The following ARFGEF3 variants were observed in gnomAD, a reference collection of about 807,000 sequenced individuals.
ARFGEF3 encodes the protein ARFGEF family member 3, also known as brefeldin A-inhibited guanine nucleotide-exchange protein 3.
ARFGEF3 carries 96 observed loss-of-function variants against 221.7 expected under a neutral mutation model. The observed-to-expected ratio is 0.43, with a 90% confidence interval of 0.37 to 0.51. The LOEUF (loss-of-function observed/expected upper bound fraction) is 0.51, where lower values mean the gene tolerates loss of function less well. ARFGEF3 is among the 20% of genes least tolerant of loss of function. The probability of loss-of-function intolerance (pLI) is 0.00; values close to 1 mark genes in which losing one functional copy is unlikely to be tolerated. For missense variants in ARFGEF3, 2,410 were observed against 2,789.9 expected (o/e 0.86, Z 3.07); for synonymous variants, 1,145 against 1,126.8 (o/e 1.02, Z -0.32).
chr6:138,204,462 G>A (rs1224604390), intron 2 of ARFGEF3, among the ~76,000 whole-genome samples: 1 of 151,994 alleles, frequency 6.6e-6, no homozygotes, highest in Non-Finnish European at 1.5e-5. Context: ...GTCAAATCTG[G>A]CTTTTTGCCT....
chr6:138,313,360 T>G (rs1357600194), intron 25 of ARFGEF3, among the ~76,000 whole-genome samples: 1 of 152,178 alleles, frequency 6.6e-6, no homozygotes, highest in East Asian at 1.9e-4. Flanking sequence ...CTCTTGCCCC[T>G]GTGTTTCTTC....
chr6:138,240,453 T>A (rs879631046), intron 6 of ARFGEF3, among the ~76,000 whole-genome samples: 8 of 152,224 alleles, frequency 5.3e-5, no homozygotes, highest in Non-Finnish European at 5.9e-5. Context: ...TCCAGTCAAA[T>A]ATCCCAGCCT....
chr6:138,229,796 A>G lies in ARFGEF3; in HGVS notation c.364A>G (p.Ile122Val), dbSNP rs754232069. ...CACCTTGTTAAAGGTTTTACTATGC[A>G]TCACCTACACGCCAACATTTGATCT... ...QVEVMKVLLC[I>V]TYTPTFDLNG... Residue 122 changes from isoleucine (I) to valine (V), a missense_variant, in exon 5 of 34, where the codon ATC becomes GTC. Transcript: ENST00000251691. The G allele has an allele frequency of 5.0e-6, 8 of 1,613,528 alleles. No homozygotes were observed. The South Asian group carries it at 8.8e-5, about 18-fold the overall frequency.
chr6:138,217,189 A>C (rs41288989), intron 4 of ARFGEF3: 1 of 152,256 alleles, frequency 6.6e-6, no homozygotes, highest in Non-Finnish European at 1.5e-5. Context: ...AGTGTTTACT[A>C]TATTTCAAAA....
At position 138,343,710 on chromosome 6, in the gene ARFGEF3, C is replaced by G. The variant is rs549536320; in HGVS notation, c.*7224C>G. 6.6e-6 allele frequency: 1 copy of G among 152,090 alleles called. No homozygotes were observed. The highest frequency in any genetic ancestry group is 1.5e-5 in the Non-Finnish European group (1 of 68,020). 9.4% of individuals were successfully genotyped at this position (152,090 alleles called of 1,614,324 possible). On this transcript the variant is annotated 3_prime_UTR_variant, in exon 34 of 34. Transcript: ENST00000251691. ...GGCTCGGGCCCTGACACTGCCAGCC[C>G]CAGTGAGCATCCCTGGCTACCTCGG...
At chr6:138,248,229 G>A (rs1409553137) in intron 8 of ARFGEF3, among the ~76,000 whole-genome samples, 1 of 152,162 alleles carries the variant, frequency 6.6e-6, no homozygotes, top group African/African-American at 2.4e-5. Context: ...GTTCAGGCAT[G>A]GCCGCTGATT....
Position 138,236,674 on chromosome 6 carries a change from G to A in ARFGEF3, c.421-1835G>A, listed in dbSNP as rs576260430. ...TAGAGATGGGGTTTTGCCCCGTTGCGCCCAGGCAGATCTCAAACTCTTGGG... is the reference window on the plus strand; with the variant it reads ...TAGAGATGGGGTTTTGCCCCGTTGCACCCAGGCAGATCTCAAACTCTTGGG... On this transcript the variant is annotated intron_variant, in intron 5 of 33. Coordinates refer to ENST00000251691, the MANE Select transcript of ARFGEF3 (RefSeq NM_020340.5). Among the ~76,000 whole-genome samples, 8 of 152,174 alleles carry A rather than the reference G, an allele frequency of 5.3e-5. No individual in the cohort carries two copies. The South Asian group carries it at 6.2e-4, about 12-fold the overall frequency.
At position 138,341,175 on chromosome 6, in the gene ARFGEF3, GAA is replaced by G. The variant is rs2114710880; in HGVS notation, c.*4690_*4691del. 1 of 152,964 alleles carries G rather than the reference GAA, an allele frequency of 6.5e-6. No individual in the cohort carries two copies. The highest frequency in any genetic ancestry group is 2.1e-4 in the South Asian group (1 of 4,844). 9.5% of individuals were successfully genotyped at this position (152,964 alleles called of 1,614,324 possible). A position where few individuals can be genotyped will look rare whatever the true frequency, so the allele number is the denominator to read the frequency against. On this transcript the variant is annotated 3_prime_UTR_variant, in exon 34 of 34. Transcript: ENST00000251691. ...TTTCAAATATCATTTAATCAACTCA[GAA>G]TAAAGTGCCCTGTAGCCAACAGTGC...
intron 1 of ARFGEF3, among the ~76,000 whole-genome samples, chr6:138,165,344 C>T (rs2114418518): frequency 7.2e-6 from 1 of 138,864 alleles, no homozygotes; most frequent in Admixed American, 7.2e-5. Flanking sequence ...TTGTGAGAGA[C>T]AGGGATCATC....
intron 24 of ARFGEF3, among the ~76,000 whole-genome samples, chr6:138,310,009 T>C (rs1358878821): frequency 6.6e-6 from 1 of 152,184 alleles, no homozygotes; most frequent in East Asian, 1.9e-4. Context: ...CAAGTTGACA[T>C]CTAAAATAAA....
chr6:138,282,127 G>A (rs1039238501), intron 14 of ARFGEF3, among the ~76,000 whole-genome samples: 2 of 152,184 alleles, frequency 1.3e-5, no homozygotes, highest in African/African-American at 2.4e-5. Flanking sequence ...GCTAATTTTT[G>A]TATTTTGAGT....
At chr6:138,221,918 G>A (rs1406191770) in intron 4 of ARFGEF3, among the ~76,000 whole-genome samples, 1 of 152,210 alleles carries the variant, frequency 6.6e-6, no homozygotes, top group Non-Finnish European at 1.5e-5. Context: ...GGCAAGTTGA[G>A]CCAGAGAGTG....
At chr6:138,253,821 A>G in intron 8 of ARFGEF3, 59 bp from the exon 9 acceptor site, 2 of 1,333,802 alleles carry the variant, frequency 1.5e-6, no homozygotes, top group Non-Finnish European at 2.1e-6. Flanking sequence ...TCCACACATC[A>G]CCTCTTTAAT....
chr6:138,210,260 T>C (rs1393660200), intron 4 of ARFGEF3, among the ~76,000 whole-genome samples: 1 of 152,208 alleles, frequency 6.6e-6, no homozygotes, highest in African/African-American at 2.4e-5. Context: ...TTTGGCCTTG[T>C]TCTGCATTAA....
chr6:138,288,459 G>A (rs191278242), intron 17 of ARFGEF3, among the ~76,000 whole-genome samples: 99 of 151,940 alleles, frequency 6.5e-4, no homozygotes, highest in Admixed American at 3.3e-3. Flanking sequence ...TAAGGTGGGC[G>A]GATCATTTGA....
intron 1 of ARFGEF3, 87 bp from the exon 2 acceptor site, chr6:138,170,575 A>G: frequency 1.4e-6 from 1 of 724,102 alleles, no homozygotes; most frequent in Non-Finnish European, 2.4e-6. Flanking sequence ...GAATTCCTGA[A>G]AAGAGAAACT....
At chr6:138,312,062 A>G (rs1199536424) in intron 25 of ARFGEF3, among the ~76,000 whole-genome samples, 2 of 152,146 alleles carry the variant, frequency 1.3e-5, no homozygotes, top group African/African-American at 4.8e-5. Flanking sequence ...AGGCTGAGGC[A>G]GGAGAATTGC....
chr6:138,210,683 G>T (rs956811230), intron 4 of ARFGEF3, among the ~76,000 whole-genome samples: 1 of 152,134 alleles, frequency 6.6e-6, no homozygotes, highest in Non-Finnish European at 1.5e-5. Flanking sequence ...ACTCTGCCCC[G>T]TAACAGCACC....
At chr6:138,285,870 A>C in intron 14 of ARFGEF3, 76 bp from the exon 15 acceptor site, 1 of 807,042 alleles carries the variant, frequency 1.2e-6, no homozygotes, top group Middle Eastern at 2.2e-4. Flanking sequence ...TTAAAAATGA[A>C]TATTGTGGTG....
Sources: allele counts gnomAD v4.1 joint callset (sites outside exome capture counted in the v4.1 genomes callset), GRCh38; gene constraint gnomAD v4.1.1; transcripts MANE v1.5; gene names NCBI Gene and HGNC (gene_info 2026-07-23, HGNC 2026-07-21).